The following CACNA2D4 variants were observed in gnomAD, a reference collection of about 807,000 sequenced individuals.
CACNA2D4 encodes the protein voltage-dependent calcium channel subunit alpha-2/delta-4.
CACNA2D4 carries 157 observed loss-of-function variants against 163.8 expected under a neutral mutation model. That is an observed-to-expected ratio of 0.96 (90% CI 0.84 to 1.09). The LOEUF is 1.09. Ranked by LOEUF, CACNA2D4 falls within the 50% of genes least tolerant of loss-of-function variation. The pLI is 0.00. For missense variants in CACNA2D4, 1,410 were observed against 1,479.9 expected, an observed-to-expected ratio of 0.95 and a Z score of 0.78; for synonymous variants, 598 against 586.9, an observed-to-expected ratio of 1.02 and a Z score of -0.27.
chr12:1,842,946 C>T (rs1051399038), intron 25 of CACNA2D4, among the ~76,000 whole-genome samples: 4 of 152,126 alleles, frequency 2.6e-5, no homozygotes, highest in Non-Finnish European at 4.4e-5. Flanking sequence ...AGTGTGGTAA[C>T]GGGGCCTGGG....
chr12:1,862,054 GT>G (rs1268337869), intron 18 of CACNA2D4, among the ~76,000 whole-genome samples: 1 of 152,232 alleles, frequency 6.6e-6, no homozygotes, highest in African/African-American at 2.4e-5. Context: ...CCGTCCAGTA[GT>G]TTGTTCCTTT....
chr12:1,821,452 G>C (rs1448983574), intron 26 of CACNA2D4, among the ~76,000 whole-genome samples: 2 of 152,230 alleles, frequency 1.3e-5, no homozygotes, highest in African/African-American at 4.8e-5. Flanking sequence ...GGTGAGGCTG[G>C]GAGTGGGCAG....
At chr12:1,841,229 T>C (rs117856415) in intron 25 of CACNA2D4, among the ~76,000 whole-genome samples, 1 of 152,234 alleles carries the variant, frequency 6.6e-6, no homozygotes, top group East Asian at 1.9e-4. Context: ...TCTGCGTGAG[T>C]CAGGGAGGAC....
intron 22 of CACNA2D4, among the ~76,000 whole-genome samples, chr12:1,854,259 A>T (rs12297577): frequency 0.07 from 10,664 of 152,182 alleles, 511 homozygotes; most frequent in African/African-American, 0.13. Flanking sequence ...TTGATATCTG[A>T]GGCTCTTTCC....
intron 6 of CACNA2D4, among the ~76,000 whole-genome samples, chr12:1,889,579 CG>C (rs1394622698): frequency 7.1e-6 from 1 of 140,710 alleles, no homozygotes; most frequent in African/African-American, 3.1e-5. Flanking sequence ...CTGCCTCAGC[CG>C]CCCCCCCCAG....
intron 26 of CACNA2D4, among the ~76,000 whole-genome samples, chr12:1,822,553 C>T (rs1864148875): frequency 6.6e-6 from 1 of 152,174 alleles, no homozygotes; most frequent in African/African-American, 2.4e-5. Flanking sequence ...CATGAGGGGC[C>T]ACTCAGGAGG....
intron 6 of CACNA2D4, among the ~76,000 whole-genome samples, chr12:1,894,894 A>G (rs1866365207): frequency 1.3e-5 from 2 of 152,202 alleles, no homozygotes; most frequent in Admixed American, 1.3e-4. Context: ...CAGAGCAATC[A>G]GGCAATAGAA....
At position 1,918,271 on chromosome 12, in the gene CACNA2D4, C is replaced by T. The variant is rs1227299385; in HGVS notation, c.203G>A (p.Gly68Glu). Residue 68 changes from glycine to glutamate, a missense_variant, in exon 1 of 38, where the codon GGA becomes GAA. Transcript: ENST00000382722. Reference sequence around the variant, plus strand: ...CGTTTCCAGAGGAATCTTGGCCTGTCCCCACGCAGGGGACAGGGAGGTGCC... The same window carrying T: ...CGTTTCCAGAGGAATCTTGGCCTGTTCCCACGCAGGGGACAGGGAGGTGCC... ...LLGTSLSPAW[G>E]QAKIPLETVK... The T allele has an allele frequency of 1.2e-6, 2 of 1,606,122 alleles. No homozygotes were observed. The highest frequency in any genetic ancestry group is 1.7e-6 in the Non-Finnish European group (2 of 1,176,938).
intron 31 of CACNA2D4, 129 bp downstream of exon 31, chr12:1,800,914 G>T: frequency 1.3e-6 from 1 of 779,360 alleles, no homozygotes; most frequent in Non-Finnish European, 2.1e-6. Flanking sequence ...AGAAGATGGA[G>T]ATGGTCAAGG....
chr12:1,877,647 G>A (rs1865909409), intron 16 of CACNA2D4, among the ~76,000 whole-genome samples: 1 of 152,146 alleles, frequency 6.6e-6, no homozygotes, highest in South Asian at 2.1e-4. Flanking sequence ...GTCCTCTGTT[G>A]CCATCTGTTA....
chr12:1,884,920 G>A (rs778969000), intron 10 of CACNA2D4, 39 bp from the exon 11 acceptor site: 6 of 1,602,226 alleles, frequency 3.7e-6, no homozygotes, highest in South Asian at 2.2e-5. Flanking sequence ...CACAGGCCAA[G>A]CCCACCCCCC....
chr12:1,855,880 T>C, intron 22 of CACNA2D4, 132 bp downstream of exon 22: 8 of 671,538 alleles, frequency 1.2e-5, no homozygotes, highest in Admixed American at 2.4e-5. Flanking sequence ...CCCTGTTTGA[T>C]CTAAGCCATC....
rs7134317 is a variant in CACNA2D4 at position 1,798,217 on chromosome 12, G to A, written c.2996-682C>T. On this transcript the variant is annotated intron_variant, in intron 34 of 37. Coordinates refer to ENST00000382722, the MANE Select transcript of CACNA2D4 (RefSeq NM_172364.5). The surrounding 1 kb of genome is among the most constrained non-coding windows in gnomAD (Gnocchi z 4.3). Reference sequence around the variant, plus strand: ...GCCTCAGCCCCGCTCTGCAGGACCCGAGTCCGTTCCCTCCCGGAGCCTCCT... The same window carrying A: ...GCCTCAGCCCCGCTCTGCAGGACCCAAGTCCGTTCCCTCCCGGAGCCTCCT... Among the ~76,000 whole-genome samples the A allele has an allele frequency of 0.86, 131,475 of 152,188 alleles. 58,001 individuals are homozygous for A. The highest frequency in any genetic ancestry group is 0.95 in the Non-Finnish European group (64,383 of 67,994).
chr12:1,890,381 C>T (rs1866251514), intron 6 of CACNA2D4, among the ~76,000 whole-genome samples: 1 of 152,234 alleles, frequency 6.6e-6, no homozygotes, highest in Admixed American at 6.5e-5. Flanking sequence ...CCCACAGCCA[C>T]CACCATGGCT....
intron 29 of CACNA2D4, among the ~76,000 whole-genome samples, chr12:1,808,901 G>A (rs577831039): frequency 2.8e-4 from 42 of 152,336 alleles, no homozygotes; most frequent in African/African-American, 9.9e-4. Flanking sequence ...TGACGAAAAT[G>A]GGGCATGAAA....
intron 26 of CACNA2D4, among the ~76,000 whole-genome samples, chr12:1,813,298 G>C (rs1421943746): frequency 6.6e-6 from 1 of 152,156 alleles, no homozygotes; most frequent in African/African-American, 2.4e-5. Context: ...AGGGGGTCCA[G>C]GGTGGGCCTG....
chr12:1,856,008 T>C lies in CACNA2D4; in HGVS notation c.2152+4A>G. The C allele has an allele frequency of 6.2e-7, 1 of 1,612,030 alleles. No individual in the cohort carries two copies. Among genetic ancestry groups the C allele is most frequent in the Non-Finnish European group, 8.5e-7 (1 of 1,178,164 alleles). On this transcript the variant is annotated splice_donor_region_variant and intron_variant, in intron 22 of 37. Coordinates refer to ENST00000382722, the MANE Select transcript of CACNA2D4 (RefSeq NM_172364.5). ...GCTTGCCTCAGTGGGCGGCCAGCACTCACACTCCAGGTCTGGGTCCTTCCT... is the reference window on the plus strand; with the variant it reads ...GCTTGCCTCAGTGGGCGGCCAGCACCCACACTCCAGGTCTGGGTCCTTCCT...
intron 19 of CACNA2D4, among the ~76,000 whole-genome samples, chr12:1,859,232 C>T (rs1437545659): frequency 6.6e-6 from 1 of 152,062 alleles, no homozygotes; most frequent in Non-Finnish European, 1.5e-5. Flanking sequence ...TGGCACGCTC[C>T]TGTACTGTCC....
At chr12:1,855,102 G>A (rs890206465) in intron 22 of CACNA2D4, among the ~76,000 whole-genome samples, 99 of 152,118 alleles carry the variant, frequency 6.5e-4, no homozygotes, top group African/African-American at 2.2e-3. Context: ...TGTTCATGGC[G>A]CTTATCACAA....
Sources: gnomAD v4.1 joint callset for allele counts (sites outside exome capture counted in the v4.1 genomes callset) on GRCh38, gnomAD v4.1.1 for gene constraint, Gnocchi (gnomAD v3.1) non-coding constraint, MANE v1.5 for transcripts, NCBI Gene and HGNC (gene_info 2026-07-23, HGNC 2026-07-21) for gene names.